SYN2: variants seen among roughly 807,000 people sequenced by gnomAD.
SYN2 encodes the protein synapsin-2.
A neutral mutation model predicts 50.9 loss-of-function variants in SYN2; 19 were observed. The observed-to-expected ratio is 0.37, with a 90% CI of 0.26 to 0.55. SYN2 has a LOEUF of 0.55. SYN2 is among the 20% of genes least tolerant of loss of function. The pLI, the probability that SYN2 is intolerant of heterozygous loss-of-function variation, is 0.81. For missense variants in SYN2, 587 were observed against 576.4 expected, an observed-to-expected ratio of 1.02 and a Z score of -0.19; for synonymous variants, 255 against 224.9, an observed-to-expected ratio of 1.13 and a Z score of -1.20.
intron 5 of SYN2, among the ~76,000 whole-genome samples, chr3:12,159,751 C>T (rs573437861): frequency 2.0e-5 from 3 of 152,138 alleles, no homozygotes; most frequent in African/African-American, 7.2e-5. Flanking sequence ...GCTTAGAAAA[C>T]AAAGAAGCAG....
At chr3:12,186,208 C>T (rs181408955) in intron 11 of SYN2, among the ~76,000 whole-genome samples, 23 of 151,642 alleles carry the variant, frequency 1.5e-4, no homozygotes, top group Admixed American at 1.3e-3. Context: ...CCAGCAGGCC[C>T]GTGGATGTGG....
At chr3:12,006,503 C>T (rs560576085) in intron 1 of SYN2, among the ~76,000 whole-genome samples, 1 of 152,316 alleles carries the variant, frequency 6.6e-6, no homozygotes, top group Admixed American at 6.5e-5. Flanking sequence ...ATGCCAAATG[C>T]TGTACTCTCA....
At chr3:12,012,242 A>T (rs990229471) in intron 1 of SYN2, among the ~76,000 whole-genome samples, 5 of 152,038 alleles carry the variant, frequency 3.3e-5, no homozygotes, top group African/African-American at 1.2e-4. Flanking sequence ...ATAAATCTTA[A>T]TTTTATTTAA....
chr3:12,150,396 T>C (rs73813137), intron 4 of SYN2, among the ~76,000 whole-genome samples: 12,034 of 152,266 alleles, frequency 0.079, 581 homozygotes, highest in African/African-American at 0.13. Flanking sequence ...AGGAGAGTTA[T>C]GGATTGGAAA....
At chr3:12,099,641 AT>A (rs1288964842) in intron 1 of SYN2, among the ~76,000 whole-genome samples, 6 of 152,108 alleles carry the variant, frequency 3.9e-5, no homozygotes, top group East Asian at 1.9e-4. Flanking sequence ...TTAAAAAAAA[AT>A]AAGAGAAAAC....
intron 1 of SYN2, among the ~76,000 whole-genome samples, chr3:12,029,420 A>T (rs1220069144): frequency 1.6e-5 from 2 of 126,776 alleles, no homozygotes; most frequent in Non-Finnish European, 3.1e-5. Flanking sequence ...GAAGAAAGTC[A>T]TTGGTAGCTT....
chr3:12,100,581 G>T (rs1696051199), intron 1 of SYN2, among the ~76,000 whole-genome samples: 1 of 151,940 alleles, frequency 6.6e-6, no homozygotes, highest in Non-Finnish European at 1.5e-5. Flanking sequence ...TCTTAGATAT[G>T]ATACCAAAAG....
At chr3:12,176,703 A>G (rs1357599317) in intron 10 of SYN2, among the ~76,000 whole-genome samples, 1 of 152,270 alleles carries the variant, frequency 6.6e-6, no homozygotes, top group Non-Finnish European at 1.5e-5. Flanking sequence ...AGGTTGAGGC[A>G]TTTGGCAAAT....
At position 12,153,537 on chromosome 3, in the gene SYN2, A is replaced by G. The variant is rs770120413; in HGVS notation, c.774+2211A>G. 66 of 1,613,700 alleles carry G rather than the reference A, an allele frequency of 4.1e-5. No homozygotes were observed. The highest frequency in any genetic ancestry group is 1.7e-4 in the Middle Eastern group (1 of 5,798). On this transcript the variant is annotated intron_variant, in intron 5 of 12. Transcript: ENST00000621198. ...CTACTAGGGCTGAACGATGTCAACAAACTCCTTCCTGAGAGGCAGGTGGCC... is the reference window on the plus strand; with the variant it reads ...CTACTAGGGCTGAACGATGTCAACAGACTCCTTCCTGAGAGGCAGGTGGCC...
chr3:12,053,140 C>G lies in SYN2; in HGVS notation c.377+48212C>G, dbSNP rs868335649. ...GCTGGAAATAAGATTCTGATTGATC[C>G]GGCCAGGCACGGTGGCTCATGCCTG... is the stretch of plus-strand genomic sequence containing the variant. On this transcript the variant is annotated intron_variant, in intron 1 of 12. Coordinates refer to ENST00000621198, the MANE Select transcript of SYN2 (RefSeq NM_133625.6). Among the ~76,000 whole-genome samples, 76 of 152,026 alleles carry G rather than the reference C, an allele frequency of 5.0e-4. 1 individual carries two copies. The highest frequency in any genetic ancestry group is 1.6e-3 in the African/African-American group (68 of 41,514).
In SYN2 at chr3:12,148,184, G is replaced by C. The variant is rs568653802; in HGVS notation, c.684+2349G>C. ...TGCCAGAGGCCAGGGCAGGAAGAAT[G>C]GGGAGAGCCTGTGGCTAGGGCTTTG... On this transcript the variant is annotated intron_variant, in intron 4 of 12. Transcript: ENST00000621198. 5.3e-5 allele frequency among the ~76,000 whole-genome samples: 8 copies of C among 152,276 alleles called. 1 individual carries two copies. In the South Asian group the frequency reaches 1.5e-3, roughly 28 times the overall value.
At chr3:12,187,267 T>C in intron 11 of SYN2, 102 bp from the exon 12 acceptor site, 1 of 1,424,554 alleles carries the variant, frequency 7.0e-7, no homozygotes, top group South Asian at 1.5e-5. Context: ...ATAGAGCTTA[T>C]CCTTTGGGTA....
chr3:12,037,999 C>T (rs1286520924), intron 1 of SYN2, among the ~76,000 whole-genome samples: 2 of 152,180 alleles, frequency 1.3e-5, no homozygotes, highest in South Asian at 2.1e-4. Flanking sequence ...ATCACAAAGA[C>T]TTACACCTAT....
intron 1 of SYN2, among the ~76,000 whole-genome samples, chr3:12,024,761 G>A (rs1574893277): frequency 6.6e-6 from 1 of 152,196 alleles, no homozygotes; most frequent in Non-Finnish European, 1.5e-5. Context: ...TGTACATGAT[G>A]TTGGTGATTA....
chr3:12,174,770 G>A (rs974680842), intron 10 of SYN2, among the ~76,000 whole-genome samples: 7 of 152,228 alleles, frequency 4.6e-5, no homozygotes, highest in African/African-American at 9.6e-5. Context: ...ATGAGCCACC[G>A]CGCCCAGCCA....
chr3:12,172,907 C>G (rs901216415), intron 10 of SYN2, among the ~76,000 whole-genome samples: 1 of 152,240 alleles, frequency 6.6e-6, no homozygotes, highest in African/African-American at 2.4e-5. Flanking sequence ...AAATGTTTCT[C>G]AAATACTTTC....
At chr3:12,016,991 A>G (rs934285352) in intron 1 of SYN2, among the ~76,000 whole-genome samples, 6 of 152,268 alleles carry the variant, frequency 3.9e-5, no homozygotes, top group Admixed American at 2.6e-4. Flanking sequence ...ATATAGTCAA[A>G]CAATATCACA....
At chr3:12,048,410 C>T (rs1480335094) in intron 1 of SYN2, among the ~76,000 whole-genome samples, 1 of 152,192 alleles carries the variant, frequency 6.6e-6, no homozygotes. Flanking sequence ...TCAAGTGATC[C>T]ACCTGCTTTG....
At chr3:12,125,998 A>G (rs183390775) in intron 1 of SYN2, among the ~76,000 whole-genome samples, 9 of 152,346 alleles carry the variant, frequency 5.9e-5, no homozygotes, top group Admixed American at 4.6e-4. Context: ...TGACAGAGAC[A>G]GACTAGAGTC....
Sources: gnomAD v4.1 joint callset for allele counts (sites outside exome capture counted in the v4.1 genomes callset) on GRCh38, gnomAD v4.1.1 for gene constraint, MANE v1.5 for transcripts, NCBI Gene and HGNC (gene_info 2026-07-23, HGNC 2026-07-21) for gene names.